Variants in MCM3AP observed in about 807,000 individuals in gnomAD.
The protein encoded by MCM3AP is minichromosome maintenance complex component 3 associated protein, also known as germinal-center associated nuclear protein.
Under a neutral mutation model 184.1 loss-of-function variants are expected in MCM3AP, and 126 were observed. That is an observed-to-expected ratio of 0.68 (90% CI 0.59 to 0.79). MCM3AP has a LOEUF of 0.79. MCM3AP is among the 30% of genes least tolerant of loss of function. The pLI is 0.00. For synonymous variants in MCM3AP, 1,002 were observed against 979.3 expected, an observed-to-expected ratio of 1.02 and a Z score of -0.43; for missense variants, 2,496 against 2,479.2, an observed-to-expected ratio of 1.01 and a Z score of -0.14.
intron 25 of MCM3AP, chr21:46,242,257 C>T (rs1402407943): frequency 6.6e-6 from 1 of 152,402 alleles, no homozygotes; most frequent in East Asian, 1.9e-4. Context: ...TAACATTCTA[C>T]CAAGAAGCAT....
intron 25 of MCM3AP, chr21:46,241,261 T>C (rs947646485): frequency 3.6e-5 from 16 of 448,368 alleles, no homozygotes; most frequent in African/African-American, 2.2e-4. Flanking sequence ...CACAGAGGCA[T>C]TGAGACTGCC....
intron 2 of MCM3AP, among the ~76,000 whole-genome samples, chr21:46,283,182 C>T (rs887666499): frequency 6.6e-6 from 1 of 152,198 alleles, no homozygotes; most frequent in Admixed American, 6.5e-5. Context: ...ACCTTGGCCT[C>T]CCCAGGTGCT....
chr21:46,273,729 G>A, intron 6 of MCM3AP, 144 bp from the exon 7 acceptor site: 1 of 653,668 alleles, frequency 1.5e-6, no homozygotes, highest in East Asian at 2.8e-5. Flanking sequence ...TAAAATTTCT[G>A]TTAAAAGGTG....
At chr21:46,239,448 A>G (rs2080609651) in intron 26 of MCM3AP, among the ~76,000 whole-genome samples, 1 of 152,232 alleles carries the variant, frequency 6.6e-6, no homozygotes, top group African/African-American at 2.4e-5. Flanking sequence ...AATAGAGCCA[A>G]TAGGATATGT....
Position 46,284,525 on chromosome 21 carries a change from T to C in MCM3AP, c.762A>G (p.Val254=), listed in dbSNP as rs776466620. ...AAGGTTCGCCCAAAACCGCAGATGA[T>C]ACAGGGAAGCTACTGAAGCTATTAT... The part of the protein sequence containing the change: ...SSNNSFSSFP[V]SSAVLGEPFQ... The change falls in exon 1 of 28, where the codon GTA becomes GTG. Residue 254 remains valine (V), a synonymous_variant. Transcript: ENST00000291688. The C allele has an allele frequency of 6.8e-6, 11 of 1,614,210 alleles. No individual in the cohort carries two copies. Among genetic ancestry groups the C allele is most frequent in the South Asian group, 1.1e-5 (1 of 91,078 alleles).
intron 26 of MCM3AP, among the ~76,000 whole-genome samples, chr21:46,238,409 T>C (rs1191703199): frequency 8.3e-6 from 1 of 120,322 alleles, no homozygotes; most frequent in Non-Finnish European, 1.8e-5. Flanking sequence ...ACCGGTCTTT[T>C]CAAGAAAAAC....
chr21:46,241,227 C>T (rs2080659162), intron 25 of MCM3AP: 1 of 574,390 alleles, frequency 1.7e-6, no homozygotes, highest in African/African-American at 1.9e-5. Context: ...GGAAGGCAGC[C>T]CCTGCACTGT....
At position 46,256,663 on chromosome 21, in the gene MCM3AP, T is replaced by C. The variant is rs2080954519; in HGVS notation, c.3932+126A>G. 4 of 1,208,984 alleles carry C rather than the reference T, an allele frequency of 3.3e-6. No homozygotes were observed. The South Asian group carries it at 6.2e-5, about 19-fold the overall frequency. 74.9% of individuals were successfully genotyped at this position (1,208,984 alleles called of 1,614,324 possible). On this transcript the variant is annotated intron_variant, in intron 17 of 27. Transcript: ENST00000291688. The stretch of plus-strand genomic sequence containing the variant: ...CCTGTGCCTGTCCTCGCCTCCAGGC[T>C]TCACCTATCTTCGCCTCCAGGCTTC...
intron 8 of MCM3AP, among the ~76,000 whole-genome samples, chr21:46,271,746 A>G (rs992186668): frequency 2.0e-5 from 3 of 152,006 alleles, no homozygotes; most frequent in Non-Finnish European, 4.4e-5. Flanking sequence ...CTGTAATCCC[A>G]GCTACTCAGG....
rs1385258547 is a variant in MCM3AP, at chr21:46,285,496, C to T, written c.-210G>A. 3.5e-6 allele frequency: 2 copies of T among 564,098 alleles called. No homozygotes were observed. The highest frequency in any genetic ancestry group is 3.8e-5 in the African/African-American group (2 of 53,148). The allele number at this position is 564,098 out of a possible 1,614,324, so 34.9% of individuals were successfully genotyped here. ...ACTAAAAGGATAACTATTTCAAAGG[C>T]AGGCAAAGGGTTATTATTTTCTGAG... On this transcript the variant is annotated 5_prime_UTR_variant, in exon 1 of 28. Coordinates refer to ENST00000291688, the MANE Select transcript of MCM3AP (RefSeq NM_003906.5).
intron 2 of MCM3AP, among the ~76,000 whole-genome samples, chr21:46,280,847 C>T (rs1435705521): frequency 6.6e-6 from 1 of 152,100 alleles, no homozygotes; most frequent in African/African-American, 2.4e-5. Context: ...GCTCTGTCAG[C>T]CAGGCTGGAG....
chr21:46,236,888 C>T lies in MCM3AP; in HGVS notation c.5725G>A (p.Val1909Met). ...SLPLYLPQTLVSLSHTIEPVM... is the reference protein window; with the variant it reads ...SLPLYLPQTLMSLSHTIEPVM... The stretch of plus-strand genomic sequence containing the variant: ...GGTTCAATAGTGTGAGAAAGAGACA[C>T]TAGAGTCTGAGGAAGATAGAGGGGA... The change falls in exon 27 of 28, where the codon GTG (valine) becomes ATG (methionine). Residue 1909 changes from valine (V) to methionine (M), a missense_variant. Around this residue, in one of 5 missense-constraint regions of MCM3AP, gnomAD observed 1,323 missense variants for 1,273.4 expected, o/e 1.04. Coordinates refer to ENST00000291688, the MANE Select transcript of MCM3AP (RefSeq NM_003906.5). 6.4e-7 allele frequency: 1 copy of T among 1,567,182 alleles called. No individual in the cohort carries two copies. The highest frequency in any genetic ancestry group is 2.4e-5 in the East Asian group (1 of 40,986).
chr21:46,253,244 A>G (rs2080900003), intron 19 of MCM3AP: 1 of 152,344 alleles, frequency 6.6e-6, no homozygotes, highest in East Asian at 1.9e-4. Context: ...TAAAATGCCA[A>G]AAGTTTCTTT....
chr21:46,255,184 T>C (rs2080930965), intron 17 of MCM3AP, among the ~76,000 whole-genome samples: 2 of 151,958 alleles, frequency 1.3e-5, no homozygotes, highest in East Asian at 3.9e-4. Flanking sequence ...CGTGTTGCAG[T>C]CTCACTCAGG....
intron 20 of MCM3AP, chr21:46,251,196 T>C (rs78284082): frequency 5.7e-6 from 1 of 173,976 alleles, no homozygotes; most frequent in East Asian, 1.5e-4. Flanking sequence ...GGCAAGAGCA[T>C]GGATGGCTCT....
intron 13 of MCM3AP, among the ~76,000 whole-genome samples, chr21:46,262,828 G>A (rs1208832580): frequency 2.7e-5 from 4 of 150,222 alleles, no homozygotes; most frequent in Non-Finnish European, 5.9e-5. Context: ...TTAGCCGGGC[G>A]AGGTAGCGGG....
In MCM3AP at chr21:46,246,763, C is replaced by T; in HGVS notation, c.4414G>A (p.Glu1472Lys). The T allele has an allele frequency of 6.2e-7, 1 of 1,614,214 alleles. No homozygotes were observed. Among genetic ancestry groups the T allele is most frequent in the Non-Finnish European group, 8.5e-7 (1 of 1,180,046 alleles). ...AAGGCCGACAGCCAGTACACGTCCTCCTCTGCCATGTCCTCACTCTTCATT... is the reference window on the plus strand; with the variant it reads ...AAGGCCGACAGCCAGTACACGTCCTTCTCTGCCATGTCCTCACTCTTCATT... ...PKMKSEDMAE[E>K]DVYWLSALLQ... The change falls in exon 21 of 28, where the codon GAG becomes AAG. Residue 1472 changes from glutamate to lysine, a missense_variant. This residue lies in a region of MCM3AP where 1,323 missense variants were observed against 1,273.4 expected (regional missense o/e 1.04). Coordinates refer to ENST00000291688, the MANE Select transcript of MCM3AP (RefSeq NM_003906.5).
chr21:46,238,564 C>T lies in MCM3AP; in HGVS notation c.5634-1585G>A, dbSNP rs930285795. Among the ~76,000 whole-genome samples, 3 of 119,788 alleles carry T rather than the reference C, an allele frequency of 2.5e-5. 1 individual carries two copies. The highest frequency in any genetic ancestry group is 1.0e-4 in the African/African-American group (3 of 29,598). 78.6% of individuals were successfully genotyped at this position (119,788 alleles called of 152,430 possible). Reference sequence around the variant, plus strand: ...CTCTACTAAAAATACAAAAATCAGCCAGGCATGGTGATGGGTACCTGTAGT... The same window carrying T: ...CTCTACTAAAAATACAAAAATCAGCTAGGCATGGTGATGGGTACCTGTAGT... On this transcript the variant is annotated intron_variant, in intron 26 of 27. Transcript: ENST00000291688.
intron 19 of MCM3AP, 122 bp from the exon 20 acceptor site, chr21:46,251,804 A>C: frequency 1.7e-6 from 1 of 575,348 alleles, no homozygotes; most frequent in Non-Finnish European, 3.1e-6. Context: ...AGGTCCACAA[A>C]TACCACATCT....
Sources: allele counts gnomAD v4.1 joint callset (sites outside exome capture counted in the v4.1 genomes callset), GRCh38; gene constraint gnomAD v4.1.1; regional missense constraint gnomAD v4.1.1; transcripts MANE v1.5; gene names NCBI Gene and HGNC (gene_info 2026-07-23, HGNC 2026-07-21).